Variants in LUZP2 observed in about 807,000 individuals in gnomAD.
LUZP2 encodes the protein leucine zipper protein 2.
LUZP2 carries 52 observed loss-of-function variants against 51.6 expected under a neutral mutation model. The observed-to-expected ratio is 1.01, with a 90% CI of 0.81 to 1.27. The LOEUF (loss-of-function observed/expected upper bound fraction) is 1.27, where lower values mean the gene tolerates loss of function less well. Ranked by LOEUF, LUZP2 falls within the 50% of genes most tolerant of loss-of-function variation. The probability of loss-of-function intolerance (pLI) is 0.00; values close to 1 mark genes in which losing one functional copy is unlikely to be tolerated. For missense variants in LUZP2, 436 were observed against 395.4 expected, an observed-to-expected ratio of 1.10 and a Z score of -0.87; for synonymous variants, 154 against 137.3, an observed-to-expected ratio of 1.12 and a Z score of -0.85.
intron 1 of LUZP2, among the ~76,000 whole-genome samples, chr11:24,637,472 A>G (rs1855143824): frequency 6.6e-6 from 1 of 151,848 alleles, no homozygotes; most frequent in African/African-American, 2.4e-5. Context: ...AAAGATAACC[A>G]TAAGATCTGA....
intron 1 of LUZP2, among the ~76,000 whole-genome samples, chr11:24,555,049 C>T (rs1438082577): frequency 2.0e-5 from 3 of 152,056 alleles, no homozygotes; most frequent in Non-Finnish European, 4.4e-5. Flanking sequence ...ATCATTGATG[C>T]ACTGTGTAGA....
At chr11:24,614,051 A>G (rs1490225019) in intron 1 of LUZP2, among the ~76,000 whole-genome samples, 1 of 151,966 alleles carries the variant, frequency 6.6e-6, no homozygotes, top group African/African-American at 2.4e-5. Flanking sequence ...AAACTCATTC[A>G]TTGTCCAGTA....
intron 1 of LUZP2, among the ~76,000 whole-genome samples, chr11:24,546,903 C>T (rs35623555): frequency 0.089 from 13,445 of 151,060 alleles, 776 homozygotes; most frequent in Non-Finnish European, 0.13. Context: ...CTATCTGGTC[C>T]TGTTTTTTGT....
intron 1 of LUZP2, among the ~76,000 whole-genome samples, chr11:24,530,439 A>G (rs1336916607): frequency 6.6e-6 from 1 of 150,926 alleles, no homozygotes; most frequent in Admixed American, 6.6e-5. Flanking sequence ...ACACATACAT[A>G]TACATATATG....
intron 5 of LUZP2, among the ~76,000 whole-genome samples, chr11:24,894,289 C>T (rs1286605969): frequency 1.3e-5 from 2 of 151,540 alleles, no homozygotes; most frequent in Non-Finnish European, 2.9e-5. Flanking sequence ...ATTCTCCTTC[C>T]TCAGCCTCCG....
intron 7 of LUZP2, among the ~76,000 whole-genome samples, chr11:24,924,309 C>G (rs1854163964): frequency 6.6e-6 from 1 of 152,048 alleles, no homozygotes; most frequent in Non-Finnish European, 1.5e-5. Flanking sequence ...GTCTCCTGAC[C>G]TCAGGTGATC....
intron 1 of LUZP2, among the ~76,000 whole-genome samples, chr11:24,558,752 T>C (rs1024760378): frequency 6.6e-6 from 1 of 152,160 alleles, no homozygotes; most frequent in Non-Finnish European, 1.5e-5. Flanking sequence ...TTTGTTCTTT[T>C]TTGCTCTTTG....
chr11:24,897,606 T>A (rs1458031631), intron 5 of LUZP2, among the ~76,000 whole-genome samples: 1 of 152,094 alleles, frequency 6.6e-6, no homozygotes, highest in Non-Finnish European at 1.5e-5. Context: ...AGGAAGAAAC[T>A]CTGACCATGT....
chr11:24,781,820 A>G (rs1564884430), intron 5 of LUZP2, among the ~76,000 whole-genome samples: 2 of 152,150 alleles, frequency 1.3e-5, no homozygotes, highest in South Asian at 4.1e-4. Context: ...AATACATTAA[A>G]AAAATTAGAT....
chr11:24,567,861 A>G (rs1351478390), intron 1 of LUZP2, among the ~76,000 whole-genome samples: 2 of 152,188 alleles, frequency 1.3e-5, no homozygotes, highest in African/African-American at 2.4e-5. Context: ...CATGAAAGGA[A>G]GTGATACAAT....
chr11:24,794,111 T>C (rs1287024478), intron 5 of LUZP2, among the ~76,000 whole-genome samples: 5 of 152,048 alleles, frequency 3.3e-5, no homozygotes, highest in Non-Finnish European at 5.9e-5. Flanking sequence ...AAATAGAACA[T>C]TAAGGATCTA....
chr11:24,698,588 T>C (rs1358625498), intron 1 of LUZP2, among the ~76,000 whole-genome samples: 2 of 152,184 alleles, frequency 1.3e-5, no homozygotes, highest in Non-Finnish European at 2.9e-5. Context: ...TGCATAAAAA[T>C]TTGCTCAACT....
chr11:25,034,808 G>A (rs1363110168), intron 9 of LUZP2, among the ~76,000 whole-genome samples: 1 of 152,062 alleles, frequency 6.6e-6, no homozygotes. Flanking sequence ...GTACTAAGCT[G>A]TTTGACTACT....
chr11:24,895,176 C>A (rs1184749682), intron 5 of LUZP2, among the ~76,000 whole-genome samples: 1 of 152,080 alleles, frequency 6.6e-6, no homozygotes, highest in Non-Finnish European at 1.5e-5. Context: ...AGGAAGTTTA[C>A]CCTGAAACAA....
intron 5 of LUZP2, among the ~76,000 whole-genome samples, chr11:24,764,795 G>A (rs969854915): frequency 1.3e-5 from 2 of 152,128 alleles, no homozygotes; most frequent in African/African-American, 4.8e-5. Context: ...TTCCAAGTCA[G>A]CCTAAGCAAC....
chr11:25,068,992 A>T (rs989968523), intron 10 of LUZP2, among the ~76,000 whole-genome samples: 2 of 151,928 alleles, frequency 1.3e-5, no homozygotes, highest in African/African-American at 4.8e-5. Flanking sequence ...CATGAGTGAT[A>T]TTTTTCTTCT....
chr11:24,890,608 A>G (rs1176623372), intron 5 of LUZP2, among the ~76,000 whole-genome samples: 1 of 152,162 alleles, frequency 6.6e-6, no homozygotes, highest in Non-Finnish European at 1.5e-5. Context: ...GATCATCAAA[A>G]GTTCTCATAC....
chr11:24,536,716 T>A (rs1455718722), intron 1 of LUZP2, among the ~76,000 whole-genome samples: 1 of 151,942 alleles, frequency 6.6e-6, no homozygotes, highest in East Asian at 1.9e-4. Flanking sequence ...TTATCATTTG[T>A]GTATTCACTG....
intron 1 of LUZP2, among the ~76,000 whole-genome samples, chr11:24,591,758 G>A (rs1853270076): frequency 6.6e-6 from 1 of 152,174 alleles, no homozygotes; most frequent in Non-Finnish European, 1.5e-5. Flanking sequence ...ACCATTCTAT[G>A]AAGTTGAATG....
Sources: gnomAD v4.1 joint callset for allele counts (sites outside exome capture counted in the v4.1 genomes callset) on GRCh38, gnomAD v4.1.1 for gene constraint, MANE v1.5 for transcripts, NCBI Gene and HGNC (gene_info 2026-07-23, HGNC 2026-07-21) for gene names.